The following RBFOX1 variants were observed in gnomAD, a reference collection of about 807,000 sequenced individuals.
RBFOX1 encodes the protein RNA binding protein fox-1 homolog 1.
A neutral mutation model predicts 57.7 loss-of-function variants in RBFOX1; 8 were observed. The ratio of observed to expected loss-of-function variants is 0.14; its 90% confidence interval spans 0.08 to 0.25. The LOEUF (loss-of-function observed/expected upper bound fraction) is 0.25. Among genes scored for constraint, RBFOX1 ranks in the 10% least tolerant of loss-of-function variants. The pLI, the probability that RBFOX1 is intolerant of heterozygous loss-of-function variation, is 1.00. For synonymous variants in RBFOX1, 326 were observed against 222.4 expected (o/e 1.47, Z -4.15); for missense variants, 611 against 548.5 (o/e 1.11, Z -1.14).
At chr16:6,775,187 G>A (rs865782270) in intron 3 of RBFOX1, among the ~76,000 whole-genome samples, 1,971 of 138,562 alleles carry the variant, frequency 0.014, 49 homozygotes, top group African/African-American at 0.054. Flanking sequence ...AAAAAAAAAA[G>A]TTAGCCTGGT....
At chr16:7,072,984 A>C (rs755831951) in intron 4 of RBFOX1, among the ~76,000 whole-genome samples, 3 of 152,232 alleles carry the variant, frequency 2.0e-5, no homozygotes, top group Non-Finnish European at 4.4e-5. Flanking sequence ...CTGAGGAATA[A>C]GCCACTTATG....
At chr16:7,153,681 C>A (rs1269677373) in intron 4 of RBFOX1, among the ~76,000 whole-genome samples, 2 of 140,492 alleles carry the variant, frequency 1.4e-5, no homozygotes, top group Non-Finnish European at 3.0e-5. Flanking sequence ...ACCCTGAAGT[C>A]GGAGGTTGCA....
chr16:6,908,292 G>T (rs1409535106), intron 3 of RBFOX1, among the ~76,000 whole-genome samples: 1 of 151,672 alleles, frequency 6.6e-6, no homozygotes, highest in African/African-American at 2.4e-5. Context: ...GGGCAGGCCT[G>T]CACCCCCAGC....
At chr16:6,138,776 A>G (rs572451296) in intron 1 of RBFOX1, among the ~76,000 whole-genome samples, 1 of 152,294 alleles carries the variant, frequency 6.6e-6, no homozygotes, top group Non-Finnish European at 1.5e-5. Context: ...CTGAGGCAGG[A>G]GAATCGCTGG....
intron 2 of RBFOX1, among the ~76,000 whole-genome samples, chr16:5,489,101 C>T (rs925281246): frequency 5.9e-5 from 9 of 152,196 alleles, no homozygotes; most frequent in South Asian, 2.1e-4. Context: ...CAGTGTCAGA[C>T]GCTGCCTGTC....
intron 4 of RBFOX1, among the ~76,000 whole-genome samples, chr16:7,413,116 G>C (rs1260679861): frequency 1.3e-5 from 2 of 152,104 alleles, no homozygotes. Flanking sequence ...TATTTTACTT[G>C]AGAAGCAGTG....
At chr16:5,658,936 T>C (rs1185141789) in intron 3 of RBFOX1, among the ~76,000 whole-genome samples, 1 of 151,648 alleles carries the variant, frequency 6.6e-6, no homozygotes, top group Non-Finnish European at 1.5e-5. Context: ...GACACTTGCA[T>C]TGCTTTTACG....
intron 3 of RBFOX1, among the ~76,000 whole-genome samples, chr16:6,969,584 T>A (rs1047197894): frequency 5.4e-5 from 8 of 148,600 alleles, no homozygotes; most frequent in African/African-American, 2.0e-4. Flanking sequence ...AAAATAAAAA[T>A]AAAAAAAAAA....
At position 7,088,804 on chromosome 16, in the gene RBFOX1, T is replaced by G. The variant is rs192380667; in HGVS notation, c.27+36706T>G. Among the ~76,000 whole-genome samples, 12 of 152,308 alleles carry G rather than the reference T, an allele frequency of 7.9e-5. No individual in the cohort carries two copies. In the East Asian group the frequency reaches 2.3e-3, roughly 29 times the overall value. Reference sequence around the variant, plus strand: ...AGGTTTAGAGCAGGTGTTCCCTGCTTTGCCAAGGGAGGGAGGCGTTTTCGA... The same window carrying G: ...AGGTTTAGAGCAGGTGTTCCCTGCTGTGCCAAGGGAGGGAGGCGTTTTCGA... On this transcript the variant is annotated intron_variant, in intron 4 of 15. Coordinates refer to ENST00000550418, the MANE Select transcript of RBFOX1 (RefSeq NM_018723.4).
intron 4 of RBFOX1, among the ~76,000 whole-genome samples, chr16:7,330,505 TG>T: frequency 1.2e-5 from 1 of 80,634 alleles, no homozygotes; most frequent in African/African-American, 6.4e-5. Context: ...TGTGTGTGTG[TG>T]TGTTTGTGTG....
intron 1 of RBFOX1, among the ~76,000 whole-genome samples, chr16:5,450,935 G>T (rs918860018): frequency 6.6e-6 from 1 of 152,178 alleles, no homozygotes; most frequent in African/African-American, 2.4e-5. Context: ...AAGCTTGTCC[G>T]AGCCTCAGTG....
chr16:6,573,499 A>G (rs1286316429), intron 2 of RBFOX1, among the ~76,000 whole-genome samples: 1 of 152,208 alleles, frequency 6.6e-6, no homozygotes, highest in Non-Finnish European at 1.5e-5. Context: ...GGCTTTAAAA[A>G]ATTCTTCTGA....
chr16:7,639,656 G>A (rs1474606632), intron 11 of RBFOX1, among the ~76,000 whole-genome samples: 1 of 152,022 alleles, frequency 6.6e-6, no homozygotes, highest in Non-Finnish European at 1.5e-5. Context: ...GGGGATATTT[G>A]GGAAGTAACA....
chr16:7,620,194 T>C (rs1288412098), intron 10 of RBFOX1, among the ~76,000 whole-genome samples: 1 of 152,254 alleles, frequency 6.6e-6, no homozygotes, highest in Non-Finnish European at 1.5e-5. Flanking sequence ...ATGATTATGA[T>C]TGATTCACTT....
intron 4 of RBFOX1, among the ~76,000 whole-genome samples, chr16:7,081,010 G>A (rs941627558): frequency 1.3e-5 from 2 of 152,134 alleles, no homozygotes; most frequent in African/African-American, 2.4e-5. Flanking sequence ...CAGCCCTTGC[G>A]AGTTGCTGGC....
At chr16:5,596,547 C>T (rs2047190058) in intron 2 of RBFOX1, among the ~76,000 whole-genome samples, 1 of 152,112 alleles carries the variant, frequency 6.6e-6, no homozygotes, top group South Asian at 2.1e-4. Flanking sequence ...TACTGGGTCA[C>T]CTGTGAGTCT....
At chr16:6,011,582 G>A (rs1222771132) in intron 4 of RBFOX1, among the ~76,000 whole-genome samples, 1 of 152,140 alleles carries the variant, frequency 6.6e-6, no homozygotes. Context: ...TAAAGGTCAT[G>A]TCTCAGGCTT....
chr16:6,221,453 C>G (rs1224049743), intron 1 of RBFOX1, among the ~76,000 whole-genome samples: 3 of 152,154 alleles, frequency 2.0e-5, no homozygotes, highest in Non-Finnish European at 2.9e-5. Flanking sequence ...AGTAAAAGCA[C>G]TCTGTTAAGC....
intron 4 of RBFOX1, among the ~76,000 whole-genome samples, chr16:7,255,770 G>A (rs1348418969): frequency 6.6e-6 from 1 of 152,000 alleles, no homozygotes; most frequent in Non-Finnish European, 1.5e-5. Context: ...AATCAATATA[G>A]AAATATTAAC....
Sources: allele counts gnomAD v4.1 joint callset (sites outside exome capture counted in the v4.1 genomes callset), GRCh38; gene constraint gnomAD v4.1.1; transcripts MANE v1.5; gene names NCBI Gene and HGNC (gene_info 2026-07-23, HGNC 2026-07-21).